The following PLCH2 variants were observed in gnomAD, a reference collection of about 807,000 sequenced individuals.
PLCH2 encodes the protein phospholipase C eta 2.
In PLCH2, 98 loss-of-function variants were observed where a neutral mutation model predicts 134.7. The ratio of observed to expected loss-of-function variants is 0.73; its 90% CI spans 0.62 to 0.86. The LOEUF is 0.86. Ranked by LOEUF, PLCH2 falls within the 40% of genes least tolerant of loss-of-function variation. PLCH2 has a pLI of 0.00. For synonymous variants in PLCH2, 974 were observed against 827.5 expected, an observed-to-expected ratio of 1.18 and a Z score of -3.04; for missense variants, 1,994 against 1,986.6, an observed-to-expected ratio of 1.00 and a Z score of -0.07.
chr1:2,486,370 G>A (rs910257867), intron 5 of PLCH2, among the ~76,000 whole-genome samples: 3 of 152,208 alleles, frequency 2.0e-5, no homozygotes, highest in Non-Finnish European at 2.9e-5. Context: ...CCAAGAAGCC[G>A]TGTCAGTGGG....
intron 1 of PLCH2, among the ~76,000 whole-genome samples, chr1:2,468,724 C>T (rs1351794004): frequency 6.6e-6 from 1 of 152,200 alleles, no homozygotes; most frequent in African/African-American, 2.4e-5. Flanking sequence ...TTGGCATGGA[C>T]ACGTGGGGTG....
At chr1:2,459,843 C>T (rs1004097342) in intron 2 of PLCH2, among the ~76,000 whole-genome samples, 7 of 152,232 alleles carry the variant, frequency 4.6e-5, no homozygotes, top group African/African-American at 7.2e-5. Flanking sequence ...CGGCCGTGGA[C>T]GGCGGGCAGT....
chr1:2,432,819 C>T (rs1413423956), intron 2 of PLCH2, among the ~76,000 whole-genome samples: 1 of 152,210 alleles, frequency 6.6e-6, no homozygotes, highest in Admixed American at 6.5e-5. Flanking sequence ...CCCCAACTCC[C>T]CCGTCCGGAG....
intron 10 of PLCH2, among the ~76,000 whole-genome samples, chr1:2,490,566 G>A (rs1642519786): frequency 6.6e-6 from 1 of 152,204 alleles, no homozygotes; most frequent in South Asian, 2.1e-4. Context: ...GGCCATGCAT[G>A]GGGAGATAAT....
Position 2,497,497 on chromosome 1 carries a change from C to T in PLCH2, c.2117-5C>T, listed in dbSNP as rs147748491. The T allele has an allele frequency of 3.1e-4, 475 of 1,548,374 alleles. 3 individuals are homozygous for T. The African/African-American group carries it at 5.4e-3, about 18-fold the overall frequency. On this transcript the variant is annotated splice_polypyrimidine_tract_variant and splice_region_variant and intron_variant, in intron 15 of 21. Transcript: ENST00000378486. The stretch of plus-strand genomic sequence containing the variant: ...GACCAGGGCAGCCTTGTGTCACCCT[C>T]GCAGTTGCCCTGAACTACCAGTCAG...
Position 2,491,205 on chromosome 1 carries a change from G to T in PLCH2, c.1529G>T (p.Arg510Leu). Residue 510 changes from arginine to leucine, a missense_variant, in exon 11 of 22, where the codon CGA (arginine) becomes CTA (leucine). Transcript: ENST00000378486. ...KLLNGDASTN[R>L]KRVENTAKRK... is the part of the protein sequence containing the mutation. ...TGGCTCCTGCAGGCATCCACCAATC[G>T]AAAGCGTGTAGAAAACACTGCTAAG... is the stretch of plus-strand genomic sequence containing the variant. 1 of 1,612,422 alleles carries T rather than the reference G, an allele frequency of 6.2e-7. No individual in the cohort carries two copies. Among genetic ancestry groups the T allele is most frequent in the Non-Finnish European group, 8.5e-7 (1 of 1,179,546 alleles).
chr1:2,417,740 A>G, the PLCH2 span, among the ~76,000 whole-genome samples: 1 of 152,188 alleles, frequency 6.6e-6, no homozygotes, highest in Non-Finnish European at 1.5e-5. Flanking sequence ...TTCCCCACAC[A>G]GCCTCCCCTA....
At position 2,497,853 on chromosome 1, in the gene PLCH2, G is replaced by T. The variant is rs1642982639; in HGVS notation, c.2224+244G>T. Reference sequence around the variant, plus strand: ...GTCAGGAATCCAGGGATGGAGAACTGGGGAGCCTGGGCCCCACATGAGATT... The same window carrying T: ...GTCAGGAATCCAGGGATGGAGAACTTGGGAGCCTGGGCCCCACATGAGATT... On this transcript the variant is annotated intron_variant, in intron 16 of 21. Coordinates refer to ENST00000378486, the MANE Select transcript of PLCH2 (RefSeq NM_014638.4). The T allele has an allele frequency of 6.2e-6, 3 of 482,588 alleles. No individual in the cohort carries two copies. The East Asian group carries it at 9.2e-5, about 15-fold the overall frequency. The allele number at this position is 482,588 out of a possible 1,614,324, so 29.9% of individuals were successfully genotyped here.
At chr1:2,440,102 G>T (rs1330028863) in intron 2 of PLCH2, among the ~76,000 whole-genome samples, 1 of 152,196 alleles carries the variant, frequency 6.6e-6, no homozygotes, top group African/African-American at 2.4e-5. Flanking sequence ...GGCAGCTGCA[G>T]CCAGTCCACA....
At chr1:2,447,837 T>TACA (rs1640011379) in intron 2 of PLCH2, among the ~76,000 whole-genome samples, 1 of 152,152 alleles carries the variant, frequency 6.6e-6, no homozygotes, top group African/African-American at 2.4e-5. Context: ...AACCGGGGAA[T>TACA]ACAGAGGATG....
At chr1:2,451,008 G>A (rs577427578) in intron 2 of PLCH2, among the ~76,000 whole-genome samples, 23 of 152,104 alleles carry the variant, frequency 1.5e-4, no homozygotes, top group Non-Finnish European at 2.1e-4. Context: ...TGCTAGGGAT[G>A]TCGGCTCCCA....
chr1:2,503,661 C>G (rs868075998), intron 21 of PLCH2: 3 of 692,160 alleles, frequency 4.3e-6, no homozygotes, highest in Non-Finnish European at 7.9e-6. Context: ...GGCCCAGCCC[C>G]GGTGTCCCGT....
rs1197970786 is a variant in PLCH2 at position 2,439,783 on chromosome 1, C to A, written c.115+9154C>A. Among the ~76,000 whole-genome samples the A allele has an allele frequency of 2.0e-5, 3 of 152,136 alleles. No homozygotes were observed. Among genetic ancestry groups the A allele is most frequent in the African/African-American group, 7.2e-5 (3 of 41,432 alleles). ...GAGCCCGTCAGAGTCCAGCTGGATTCTTCTCCACTGAGGAAAGGCATTGCC... is the reference window on the plus strand; with the variant it reads ...GAGCCCGTCAGAGTCCAGCTGGATTATTCTCCACTGAGGAAAGGCATTGCC... On this transcript the variant is annotated intron_variant, in intron 2 of 3. Transcript: ENST00000609981. The surrounding 1 kb of genome is among the most constrained non-coding windows in gnomAD (Gnocchi z 4.7).
intron 16 of PLCH2, 108 bp downstream of exon 16, chr1:2,497,717 C>T (rs1410091096): frequency 1.1e-5 from 7 of 665,514 alleles, no homozygotes; most frequent in African/African-American, 1.8e-5. Flanking sequence ...GGGGTGGGGG[C>T]GGCTTTGGCA....
chr1:2,456,006 T>C (rs757453763), intron 2 of PLCH2, among the ~76,000 whole-genome samples: 12 of 152,234 alleles, frequency 7.9e-5, no homozygotes, highest in Non-Finnish European at 1.2e-4. Flanking sequence ...GCTCGGCAAG[T>C]GGTGCACTGT....
intron 2 of PLCH2, among the ~76,000 whole-genome samples, chr1:2,437,631 A>G (rs1451435524): frequency 3.9e-5 from 6 of 152,194 alleles, no homozygotes; most frequent in African/African-American, 1.2e-4. Context: ...AGCAGGGGCC[A>G]TAGCCAGATC....
chr1:2,484,029 G>GC (rs577978453), intron 4 of PLCH2, among the ~76,000 whole-genome samples: 2 of 145,612 alleles, frequency 1.4e-5, no homozygotes, highest in Admixed American at 6.7e-5. Flanking sequence ...ACTCCCGTGT[G>GC]GGTGGCGCTG....
chr1:2,447,757 C>T (rs1364986216), intron 2 of PLCH2, among the ~76,000 whole-genome samples: 1 of 152,218 alleles, frequency 6.6e-6, no homozygotes, highest in African/African-American at 2.4e-5. Context: ...CCGGTCTGCC[C>T]ACTTCGGGGC....
chr1:2,480,178 C>A lies in PLCH2; in HGVS notation c.516-5C>A. ...ATCGCTGTTGGCCCCTAACTCGGCACCAAAGTGGCTGAAGCAGACGTTTGA... is the reference window on the plus strand; with the variant it reads ...ATCGCTGTTGGCCCCTAACTCGGCAACAAAGTGGCTGAAGCAGACGTTTGA... On this transcript the variant is annotated splice_polypyrimidine_tract_variant and splice_region_variant and intron_variant, in intron 3 of 21. Transcript: ENST00000378486. The A allele has an allele frequency of 2.5e-6, 4 of 1,612,760 alleles. No homozygotes were observed. The highest frequency in any genetic ancestry group is 2.5e-6 in the Non-Finnish European group (3 of 1,179,794).
Sources: allele counts gnomAD v4.1 joint callset (sites outside exome capture counted in the v4.1 genomes callset), GRCh38; gene constraint gnomAD v4.1.1; non-coding constraint Gnocchi (gnomAD v3.1); transcripts MANE v1.5; gene names NCBI Gene and HGNC (gene_info 2026-07-23, HGNC 2026-07-21).